The following BCO2 variants were observed in gnomAD, a reference collection of about 807,000 sequenced individuals.
BCO2 encodes carotenoid-cleaving dioxygenase, mitochondrial.
In BCO2, 56 loss-of-function variants were observed where a neutral mutation model predicts 65.8. The observed-to-expected ratio is 0.85, with a 90% CI of 0.69 to 1.06. BCO2 has a LOEUF of 1.06. Ranked by LOEUF, BCO2 falls within the 50% of genes least tolerant of loss-of-function variation. The pLI, the probability that BCO2 is intolerant of heterozygous loss-of-function variation, is 0.00. For missense variants in BCO2, 675 were observed against 698.5 expected (o/e 0.97, Z 0.38); for synonymous variants, 233 against 242.3 (o/e 0.96, Z 0.36).
rs1452226456 is a variant in BCO2 at position 112,216,232 on chromosome 11, G to T, written c.1528G>T (p.Asp510Tyr). The change falls in exon 11 of 12, where the codon GAT becomes TAT. Residue 510 changes from aspartate (D) to tyrosine (Y), a missense_variant. Physicochemically the swap from Asp to Tyr is radical, Grantham distance 160 (BLOSUM62 -3). Coordinates refer to ENST00000357685, the MANE Select transcript of BCO2 (RefSeq NM_031938.7). ...TTGGGACTTGCAGGTTTGGAGAGAAGATGGCTTTTATCCCTCAGAACCTGT... is the reference window on the plus strand; with the variant it reads ...TTGGGACTTGCAGGTTTGGAGAGAATATGGCTTTTATCCCTCAGAACCTGT... ...VNKTLKVWRE[D>Y]GFYPSEPVFV... The T allele has an allele frequency of 2.5e-6, 4 of 1,613,938 alleles. No homozygotes were observed. The highest frequency in any genetic ancestry group is 3.4e-6 in the Non-Finnish European group (4 of 1,179,832).
At chr11:112,211,455 C>CT (rs1355737429) in intron 8 of BCO2, among the ~76,000 whole-genome samples, 2 of 151,736 alleles carry the variant, frequency 1.3e-5, no homozygotes, top group Non-Finnish European at 1.5e-5. Context: ...ATCCAAATTC[C>CT]TTTTTTTAGT....
At chr11:112,213,338 T>C (rs11214138) in intron 8 of BCO2, among the ~76,000 whole-genome samples, 34,365 of 151,516 alleles carry the variant, frequency 0.23, 4,033 homozygotes, top group Middle Eastern at 0.27. Flanking sequence ...AGACAGGGTT[T>C]CTCCATGTTG....
At chr11:112,205,323 C>T (rs1219325081) in intron 8 of BCO2, among the ~76,000 whole-genome samples, 1 of 152,146 alleles carries the variant, frequency 6.6e-6, no homozygotes, top group Admixed American at 6.5e-5. Context: ...TTTGTTATCT[C>T]TTGTCTTTTT....
intron 5 of BCO2, among the ~76,000 whole-genome samples, chr11:112,197,494 G>C (rs1867613029): frequency 6.6e-6 from 1 of 151,386 alleles, no homozygotes; most frequent in Non-Finnish European, 1.5e-5. Flanking sequence ...GCTGCAGTGA[G>C]TCGTGACTGC....
At chr11:112,216,559 G>A (rs915810375) in intron 11 of BCO2, among the ~76,000 whole-genome samples, 4 of 152,226 alleles carry the variant, frequency 2.6e-5, no homozygotes, top group South Asian at 2.1e-4. Flanking sequence ...TGTTATTTAC[G>A]AACTACTTAC....
chr11:112,194,804 G>T, intron 5 of BCO2, 49 bp downstream of exon 5: 2 of 1,309,332 alleles, frequency 1.5e-6, no homozygotes, highest in Non-Finnish European at 2.2e-6. Flanking sequence ...ACCAGGCACG[G>T]TGTGTATATA....
At chr11:112,181,231 G>T in intron 2 of BCO2, 2 of 680,142 alleles carry the variant, frequency 2.9e-6, no homozygotes, top group East Asian at 5.8e-5. Context: ...GCCCAGGCTG[G>T]AGTGCAGTGG....
At chr11:112,179,056 C>T (rs1313596068) in intron 1 of BCO2, among the ~76,000 whole-genome samples, 1 of 152,122 alleles carries the variant, frequency 6.6e-6, no homozygotes, top group African/African-American at 2.4e-5. Context: ...CAGATTAGTA[C>T]TACAAAAAAT....
In BCO2 at chr11:112,179,309, G is replaced by GA. The variant is rs1866965018; in HGVS notation, c.126dup (p.Ala43SerfsTer36). 27 of 1,614,170 alleles carry GA rather than the reference G, an allele frequency of 1.7e-5. No individual in the cohort carries two copies. Among genetic ancestry groups the GA allele is most frequent in the Non-Finnish European group, 2.3e-5 (27 of 1,180,026 alleles). ...AAAGGTACATGGGAAATACTCCTCAGAAAAAAGCCGTCTTTGGGCAGTGTC... is the reference window on the plus strand; with the variant it reads ...AAAGGTACATGGGAAATACTCCTCAGAAAAAAAGCCGTCTTTGGGCAGTGTC... On this transcript the variant is annotated frameshift_variant, in exon 2 of 12. Coordinates refer to ENST00000357685, the MANE Select transcript of BCO2 (RefSeq NM_031938.7). LOFTEE classifies it high-confidence loss of function.
intron 11 of BCO2, among the ~76,000 whole-genome samples, chr11:112,217,292 C>G (rs1412919640): frequency 6.6e-6 from 1 of 152,192 alleles, no homozygotes; most frequent in African/African-American, 2.4e-5. Flanking sequence ...ATAGGTGAGG[C>G]ACTGTGCTAG....
At chr11:112,194,828 C>A in intron 5 of BCO2, 73 bp downstream of exon 5, 1 of 1,096,678 alleles carries the variant, frequency 9.1e-7, no homozygotes, top group South Asian at 1.4e-5. Flanking sequence ...ATGAATACTA[C>A]AGGTTTGTTT....
chr11:112,184,551 C>T (rs1867147006), intron 2 of BCO2, among the ~76,000 whole-genome samples: 1 of 151,898 alleles, frequency 6.6e-6, no homozygotes, highest in Non-Finnish European at 1.5e-5. Context: ...CTGTGCCTGG[C>T]CTGGGAATGA....
intron 1 of BCO2, 160 bp downstream of exon 1, chr11:112,175,849 G>C: frequency 1.9e-6 from 1 of 523,996 alleles, no homozygotes. Context: ...GGAAGTTAAA[G>C]AAGGCTGAGT....
intron 8 of BCO2, among the ~76,000 whole-genome samples, chr11:112,208,266 A>G (rs1859404111): frequency 6.6e-6 from 1 of 152,136 alleles, no homozygotes; most frequent in Non-Finnish European, 1.5e-5. Context: ...CTGGCCGGCA[A>G]TTGATTTTTG....
chr11:112,202,423 T>C (rs1867761185), intron 8 of BCO2, among the ~76,000 whole-genome samples: 2 of 151,920 alleles, frequency 1.3e-5, no homozygotes, highest in South Asian at 4.1e-4. Flanking sequence ...GCTGGGATTA[T>C]AGGCACGCAC....
chr11:112,188,564 G>A (rs2135360554), intron 2 of BCO2, among the ~76,000 whole-genome samples: 1 of 152,210 alleles, frequency 6.6e-6, no homozygotes, highest in Middle Eastern at 3.4e-3. Context: ...CCGCCCACAT[G>A]CTACCCCCTC....
In BCO2 at chr11:112,175,549, A is replaced by G; in HGVS notation, c.-53A>G. On this transcript the variant is annotated 5_prime_UTR_variant, in exon 1 of 12. Transcript: ENST00000357685. ...GCGTGTTCACTGTTTAGTAGTACTCAAAACTGCCAGTGTGAGAGGATTTGG... is the reference window on the plus strand; with the variant it reads ...GCGTGTTCACTGTTTAGTAGTACTCGAAACTGCCAGTGTGAGAGGATTTGG... 7.2e-7 allele frequency: 1 copy of G among 1,386,014 alleles called. No individual in the cohort carries two copies. The highest frequency in any genetic ancestry group is 1.0e-6 in the Non-Finnish European group (1 of 973,348). The allele number at this position is 1,386,014 out of a possible 1,614,324, so 85.9% of individuals were successfully genotyped here.
intron 8 of BCO2, among the ~76,000 whole-genome samples, chr11:112,205,445 T>C (rs1867841838): frequency 6.6e-6 from 1 of 152,148 alleles, no homozygotes; most frequent in Non-Finnish European, 1.5e-5. Flanking sequence ...ACTTTCAAAT[T>C]TTATTTTATT....
In BCO2 at chr11:112,192,943, T is replaced by TTTTTTTTTTTTTG. The variant is rs1555195002; in HGVS notation, c.294-531_294-530insTTTTTTTTTTTTG. Among the ~76,000 whole-genome samples the TTTTTTTTTTTTTG allele has an allele frequency of 1.2e-4, 15 of 129,480 alleles. 2 individuals are homozygous for TTTTTTTTTTTTTG. The highest frequency in any genetic ancestry group is 3.8e-4 in the African/African-American group (13 of 34,006). 84.9% of individuals were successfully genotyped at this position (129,480 alleles called of 152,430 possible). A position where few individuals can be genotyped will look rare whatever the true frequency, so the allele number is the denominator to read the frequency against. Reference sequence around the variant, plus strand: ...ATGTGAGGTTTTTTTTTTTTTTTTTTGACAGGGGTAAGGGTCAGGAGAATG... The same window carrying TTTTTTTTTTTTTG: ...ATGTGAGGTTTTTTTTTTTTTTTTTTTTTTTTTTTTTTGGACAGGGGTAAGGGTCAGGAGAATG... On this transcript the variant is annotated intron_variant, in intron 2 of 11. Coordinates refer to ENST00000357685, the MANE Select transcript of BCO2 (RefSeq NM_031938.7).
Sources: allele counts gnomAD v4.1 joint callset (sites outside exome capture counted in the v4.1 genomes callset), GRCh38; gene constraint gnomAD v4.1.1; transcripts MANE v1.5; gene names NCBI Gene and HGNC (gene_info 2026-07-23, HGNC 2026-07-21).